The following TCF20 variants were observed in gnomAD, a reference collection of about 807,000 sequenced individuals.
The protein encoded by TCF20 is SPRE-binding protein.
In TCF20, 3 loss-of-function variants were observed where a neutral mutation model predicts 148.6. The ratio of observed to expected loss-of-function variants is 0.02; its 90% CI spans 0.01 to 0.05. The LOEUF is 0.05. Among genes scored for constraint, TCF20 ranks in the 10% least tolerant of loss-of-function variants. The probability of loss-of-function intolerance (pLI) is 1.00; values close to 1 mark genes in which losing one functional copy is unlikely to be tolerated. For missense variants in TCF20, 2,350 were observed against 2,429.3 expected (o/e 0.97, Z 0.69); for synonymous variants, 1,049 against 909.5 (o/e 1.15, Z -2.76).
chr22:42,266,457 T>C (rs1926292341), intron 1 of TCF20, among the ~76,000 whole-genome samples: 1 of 152,190 alleles, frequency 6.6e-6, no homozygotes, highest in Admixed American at 6.5e-5. Context: ...TACATTCCAT[T>C]TTATCTTACA....
intron 1 of TCF20, among the ~76,000 whole-genome samples, chr22:42,318,457 C>A (rs1019609967): frequency 6.6e-6 from 1 of 152,114 alleles, no homozygotes; most frequent in African/African-American, 2.4e-5. Flanking sequence ...TGCGGCGCAG[C>A]GGAACGGTAA....
chr22:42,330,603 C>G (rs1187691420), intron 1 of TCF20, among the ~76,000 whole-genome samples: 1 of 152,200 alleles, frequency 6.6e-6, no homozygotes, highest in Admixed American at 6.5e-5. Context: ...GCTGTGTGTT[C>G]TTACTATTTA....
At chr22:42,195,322 G>A (rs1453936497) in intron 2 of TCF20, among the ~76,000 whole-genome samples, 1 of 151,360 alleles carries the variant, frequency 6.6e-6, no homozygotes, top group Non-Finnish European at 1.5e-5. Flanking sequence ...GAACCACAAG[G>A]ACAAGAAATT....
intron 4 of TCF20, 98 bp from the exon 5 acceptor site, chr22:42,168,834 G>A (rs1016088393): frequency 1.4e-6 from 2 of 1,424,036 alleles, no homozygotes; most frequent in East Asian, 2.7e-5. Flanking sequence ...CATGGAAAAG[G>A]AAAGAAAAGG....
chr22:42,162,194 C>G (rs535731801), intron 5 of TCF20, among the ~76,000 whole-genome samples: 6 of 152,082 alleles, frequency 3.9e-5, no homozygotes, highest in African/African-American at 1.2e-4. Flanking sequence ...TTAGGCTGGT[C>G]TAGAACTCCT....
intron 3 of TCF20, among the ~76,000 whole-genome samples, chr22:42,171,176 G>A (rs1936113077): frequency 6.6e-6 from 1 of 152,154 alleles, no homozygotes; most frequent in African/African-American, 2.4e-5. Context: ...TAATTAATGA[G>A]TTCACTCTGC....
At chr22:42,319,095 G>A (rs73886039) in intron 1 of TCF20, among the ~76,000 whole-genome samples, 4 of 152,232 alleles carry the variant, frequency 2.6e-5, no homozygotes, top group South Asian at 2.1e-4. Flanking sequence ...CAGGCTGGCC[G>A]TGGGAGGGCA....
At chr22:42,207,385 C>A (rs1424547261) in intron 2 of TCF20, among the ~76,000 whole-genome samples, 3 of 151,772 alleles carry the variant, frequency 2.0e-5, no homozygotes, top group Non-Finnish European at 2.9e-5. Context: ...TCTGGGAAAA[C>A]TCAACTCAGA....
At chr22:42,215,507 G>A (rs1311528158) in intron 1 of TCF20, 166 bp from the exon 2 acceptor site, 2 of 878,462 alleles carry the variant, frequency 2.3e-6, no homozygotes, top group African/African-American at 1.7e-5. Context: ...GTCTCACTCT[G>A]TCACCCAGGC....
chr22:42,291,359 C>A (rs1341170905), intron 1 of TCF20, among the ~76,000 whole-genome samples: 1 of 152,168 alleles, frequency 6.6e-6, no homozygotes, highest in Non-Finnish European at 1.5e-5. Flanking sequence ...AGGAAGCATT[C>A]CCTGAGGAGA....
chr22:42,341,103 A>G (rs1213627842), intron 1 of TCF20, among the ~76,000 whole-genome samples: 2 of 152,112 alleles, frequency 1.3e-5, no homozygotes, highest in Non-Finnish European at 2.9e-5. Context: ...CCCTGCTAGC[A>G]GCAGGAGGAG....
chr22:42,246,982 A>C (rs1924969293), intron 1 of TCF20, among the ~76,000 whole-genome samples: 2 of 151,416 alleles, frequency 1.3e-5, no homozygotes, highest in Non-Finnish European at 2.9e-5. Context: ...TTAAAAAAAA[A>C]AAAAAAAGGA....
At chr22:42,196,347 G>T (rs924597282) in intron 2 of TCF20, among the ~76,000 whole-genome samples, 1 of 152,174 alleles carries the variant, frequency 6.6e-6, no homozygotes, top group African/African-American at 2.4e-5. Context: ...AAAATGCCCA[G>T]GCCTGCTCTC....
chr22:42,161,972 C>CTTTTTTTTTTTTTTTTTTTTTT (rs3045573), intron 5 of TCF20, among the ~76,000 whole-genome samples: 2 of 75,026 alleles, frequency 2.7e-5, no homozygotes, highest in African/African-American at 1.3e-4. Context: ...TAATGACAGT[C>CTTTTTTTTTTTTTTTTTTTTTT]TTTTTTTTTT....
In TCF20 at chr22:42,265,495, G is replaced by T. The variant is rs550491390; in HGVS notation, c.-37+4844C>A. Among the ~76,000 whole-genome samples the T allele has an allele frequency of 3.9e-5, 6 of 152,206 alleles. No homozygotes were observed. The East Asian group carries it at 9.7e-4, about 24-fold the overall frequency. ...GCCTTTTTTATTTTGCAGAGACCAGGTCTCACTATGTTGCCCAGGCTTACT... is the reference window on the plus strand; with the variant it reads ...GCCTTTTTTATTTTGCAGAGACCAGTTCTCACTATGTTGCCCAGGCTTACT... On this transcript the variant is annotated intron_variant, in intron 1 of 5. Transcript: ENST00000677622.
chr22:42,198,352 G>A (rs993041522), intron 2 of TCF20, among the ~76,000 whole-genome samples: 2 of 152,176 alleles, frequency 1.3e-5, no homozygotes, highest in South Asian at 2.1e-4. Flanking sequence ...GGTAATTCAC[G>A]TATAGTGCTT....
At chr22:42,246,596 G>A (rs536561280) in intron 1 of TCF20, among the ~76,000 whole-genome samples, 7 of 152,284 alleles carry the variant, frequency 4.6e-5, no homozygotes, top group Admixed American at 1.3e-4. Context: ...TCAATGCACC[G>A]TAGAGGATAC....
upstream of TCF20, among the ~76,000 whole-genome samples, chr22:42,270,789 C>T (rs1926583063): frequency 6.9e-6 from 1 of 145,716 alleles, no homozygotes; most frequent in African/African-American, 2.5e-5. Flanking sequence ...CGCGCGTGCC[C>T]ACCCGCGTGC....
At chr22:42,304,506 C>G (rs913061313) in intron 1 of TCF20, among the ~76,000 whole-genome samples, 2 of 152,204 alleles carry the variant, frequency 1.3e-5, no homozygotes, top group Non-Finnish European at 2.9e-5. Context: ...TTCCCCTGGG[C>G]TTACAAAGCC....
Sources: gnomAD v4.1 joint callset for allele counts (sites outside exome capture counted in the v4.1 genomes callset) on GRCh38, gnomAD v4.1.1 for gene constraint, MANE v1.5 for transcripts, NCBI Gene and HGNC (gene_info 2026-07-23, HGNC 2026-07-21) for gene names.